TRAPPC8: variants seen among roughly 807,000 people sequenced by gnomAD.
TRAPPC8 encodes the protein trafficking protein particle complex subunit 8, also known as general sporulation gene 1 homolog.
In TRAPPC8, 54 loss-of-function variants were observed where a neutral mutation model predicts 174.3. The observed-to-expected ratio is 0.31, with a 90% CI of 0.25 to 0.39. TRAPPC8 has a LOEUF of 0.39. Among genes scored for constraint, TRAPPC8 ranks in the 10% least tolerant of loss-of-function variants. The pLI is 1.00. For synonymous variants in TRAPPC8, 630 were observed against 579.9 expected, an observed-to-expected ratio of 1.09 and a Z score of -1.24; for missense variants, 1,531 against 1,699.1, an observed-to-expected ratio of 0.90 and a Z score of 1.74.
rs376228629 is a variant in TRAPPC8, at chr18:31,830,797, C to T, written c.4266G>A (p.Gln1422=). 1.6e-5 allele frequency: 26 copies of T among 1,614,060 alleles called. No homozygotes were observed. Among genetic ancestry groups the T allele is most frequent in the Non-Finnish European group, 2.0e-5 (24 of 1,180,032 alleles). Residue 1422 remains glutamine (Q), a synonymous_variant, in exon 29 of 29, where the codon CAG becomes CAA. Coordinates refer to ENST00000283351, the MANE Select transcript of TRAPPC8 (RefSeq NM_014939.5). ...TGATCAGGGCAGGCATGGAATTCTG[C>T]TGACTTGTTTCAAACACTGTAACTT... is the stretch of plus-strand genomic sequence containing the variant. ...SDQVTVFETS[Q]QNSMPALIII...
intron 12 of TRAPPC8, among the ~76,000 whole-genome samples, chr18:31,889,719 GT>G (rs2035875127): frequency 6.6e-6 from 1 of 152,124 alleles, no homozygotes; most frequent in Admixed American, 6.6e-5. Flanking sequence ...GATTTGAAAG[GT>G]TTTTTAATGA....
intron 26 of TRAPPC8, among the ~76,000 whole-genome samples, chr18:31,840,477 AT>A (rs995892671): frequency 6.6e-6 from 1 of 151,440 alleles, no homozygotes; most frequent in African/African-American, 2.4e-5. Flanking sequence ...TTTCTTGGTT[AT>A]TTTTTTTTCT....
intron 19 of TRAPPC8, among the ~76,000 whole-genome samples, chr18:31,862,882 C>A (rs529864897): frequency 6.6e-6 from 1 of 151,884 alleles, no homozygotes; most frequent in Non-Finnish European, 1.5e-5. Context: ...AGTGAAACCT[C>A]GTCTCTACTA....
chr18:31,870,240 A>G (rs2034786469), intron 16 of TRAPPC8, 132 bp downstream of exon 16: 4 of 781,686 alleles, frequency 5.1e-6, no homozygotes, highest in Non-Finnish European at 5.6e-6. Context: ...AGTACATATC[A>G]TAATTTTTAT....
intron 27 of TRAPPC8, 97 bp downstream of exon 27, chr18:31,839,212 CTCT>C: frequency 1.7e-6 from 2 of 1,167,174 alleles, no homozygotes; most frequent in Non-Finnish European, 2.4e-6. Flanking sequence ...TCTAAATTTC[CTCT>C]TCAATATTTG....
intron 24 of TRAPPC8, among the ~76,000 whole-genome samples, chr18:31,850,871 C>T (rs988155734): frequency 6.6e-6 from 1 of 151,904 alleles, no homozygotes; most frequent in Non-Finnish European, 1.5e-5. Context: ...ATACAAGAGT[C>T]CTGCTGATGT....
chr18:31,913,595 G>T, intron 4 of TRAPPC8, 73 bp from the exon 5 acceptor site: 1 of 1,154,186 alleles, frequency 8.7e-7, no homozygotes, highest in Non-Finnish European at 1.1e-6. Context: ...GACTAAAGTA[G>T]TACAAAAATA....
At chr18:31,854,001 T>C (rs2033860051) in intron 21 of TRAPPC8, 56 bp from the exon 22 acceptor site, 4 of 1,352,362 alleles carry the variant, frequency 3.0e-6, no homozygotes, top group East Asian at 4.6e-5. Context: ...AATCAGAATG[T>C]TCCGATGAGA....
chr18:31,921,819 A>G (rs775233241), intron 2 of TRAPPC8, among the ~76,000 whole-genome samples: 10 of 152,142 alleles, frequency 6.6e-5, no homozygotes, highest in Non-Finnish European at 1.3e-4. Flanking sequence ...GGATGAGGTT[A>G]TCCAATTATA....
At chr18:31,834,595 A>C (rs967211695) in intron 27 of TRAPPC8, among the ~76,000 whole-genome samples, 1 of 152,246 alleles carries the variant, frequency 6.6e-6, no homozygotes, top group East Asian at 1.9e-4. Flanking sequence ...TGTAAACTGC[A>C]AAGAATAATA....
In TRAPPC8 at chr18:31,880,088, A is replaced by AT. The variant is rs1555668900; in HGVS notation, c.1729-5385_1729-5384insA. Among the ~76,000 whole-genome samples, 25 of 61,408 alleles carry AT rather than the reference A, an allele frequency of 4.1e-4. No homozygotes were observed. In the South Asian group the frequency reaches 4.3e-3, roughly 11 times the overall value. 40.3% of individuals were successfully genotyped at this position (61,408 alleles called of 152,430 possible). A position where few individuals can be genotyped will look rare whatever the true frequency, so the allele number is the denominator to read the frequency against. On this transcript the variant is annotated intron_variant, in intron 12 of 28. Coordinates refer to ENST00000283351, the MANE Select transcript of TRAPPC8 (RefSeq NM_014939.5). ...AATTTTACTGAAACTATTGAAAAAA[A>AT]AAATATATATATATATATATATATA...
At chr18:31,898,464 A>G (rs2036275215) in intron 10 of TRAPPC8, among the ~76,000 whole-genome samples, 1 of 152,252 alleles carries the variant, frequency 6.6e-6, no homozygotes, top group African/African-American at 2.4e-5. Flanking sequence ...CATGCAAAAA[A>G]GCTAGAACTG....
At chr18:31,868,712 GTTTT>G (rs1339012386) in intron 16 of TRAPPC8, among the ~76,000 whole-genome samples, 1 of 151,244 alleles carries the variant, frequency 6.6e-6, no homozygotes, top group Non-Finnish European at 1.5e-5. Context: ...TTGTTTTGTG[GTTTT>G]TTTTGAGACA....
intron 12 of TRAPPC8, 55 bp from the exon 13 acceptor site, chr18:31,874,759 A>G (rs2035060099): frequency 5.5e-6 from 8 of 1,449,214 alleles, no homozygotes; most frequent in African/African-American, 1.4e-5. Context: ...TTGAACTAGA[A>G]AAAACAAATA....
intron 3 of TRAPPC8, 131 bp downstream of exon 3, chr18:31,917,447 G>T: frequency 1.3e-6 from 1 of 760,560 alleles, no homozygotes; most frequent in Non-Finnish European, 2.1e-6. Context: ...AAGACTCCGT[G>T]TATTGTCAAT....
At chr18:31,849,297 C>T (rs1450876805) in intron 25 of TRAPPC8, among the ~76,000 whole-genome samples, 6 of 151,650 alleles carry the variant, frequency 4.0e-5, no homozygotes, top group Admixed American at 2.6e-4. Flanking sequence ...GGAAATGCCC[C>T]GAACAGTTTA....
chr18:31,876,257 G>A (rs1434835422), intron 12 of TRAPPC8, among the ~76,000 whole-genome samples: 1 of 152,026 alleles, frequency 6.6e-6, no homozygotes, highest in East Asian at 1.9e-4. Flanking sequence ...TTGGAAGGCT[G>A]AGGCGGGCAG....
At chr18:31,933,257 T>C (rs1418248372) in intron 1 of TRAPPC8, among the ~76,000 whole-genome samples, 3 of 138,138 alleles carry the variant, frequency 2.2e-5, no homozygotes, top group Non-Finnish European at 4.5e-5. Context: ...GCTGAGATCG[T>C]GCCACTGCAC....
rs775243320 is a variant in TRAPPC8, at chr18:31,873,550, AT to A, written c.1954-13del. 2.5e-6 allele frequency: 4 copies of A among 1,587,290 alleles called. No homozygotes were observed. Among genetic ancestry groups the A allele is most frequent in the Non-Finnish European group, 3.4e-6 (4 of 1,166,158 alleles). Reference sequence around the variant, plus strand: ...AGCTGACTTACATTCTGAGAGAAATATAAAAGGGAAAAAAAGTAGTTTTTGT... The same window carrying A: ...AGCTGACTTACATTCTGAGAGAAATAAAAAGGGAAAAAAAGTAGTTTTTGT... On this transcript the variant is annotated splice_polypyrimidine_tract_variant and intron_variant, in intron 13 of 28. Coordinates refer to ENST00000283351, the MANE Select transcript of TRAPPC8 (RefSeq NM_014939.5).
Sources: gnomAD v4.1 joint callset for allele counts (sites outside exome capture counted in the v4.1 genomes callset) on GRCh38, gnomAD v4.1.1 for gene constraint, MANE v1.5 for transcripts, NCBI Gene and HGNC (gene_info 2026-07-23, HGNC 2026-07-21) for gene names.